The following POLR2B variants were observed in gnomAD, a reference collection of about 807,000 sequenced individuals.
POLR2B encodes DNA-directed RNA polymerase II subunit RPB2.
Under a neutral mutation model 144.6 loss-of-function variants are expected in POLR2B, and 57 were observed. The observed-to-expected ratio is 0.39, with a 90% confidence interval of 0.32 to 0.49. The LOEUF (loss-of-function observed/expected upper bound fraction) is 0.49, where lower values mean the gene tolerates loss of function less well. POLR2B is among the 20% of genes least tolerant of loss of function. The probability of loss-of-function intolerance (pLI) is 0.83; values close to 1 mark genes in which losing one functional copy is unlikely to be tolerated. For synonymous variants in POLR2B, 442 were observed against 469.8 expected, an observed-to-expected ratio of 0.94 and a Z score of 0.77; for missense variants, 595 against 1,467.4, an observed-to-expected ratio of 0.41 and a Z score of 9.71.
intron 6 of POLR2B, 74 bp downstream of exon 6, chr4:56,995,483 T>A: frequency 9.1e-7 from 1 of 1,097,408 alleles, no homozygotes; most frequent in Non-Finnish European, 1.3e-6. Flanking sequence ...ACTGCCTTCT[T>A]TGTCCATAGA....
intron 10 of POLR2B, chr4:57,009,892 A>G (rs1723137148): frequency 6.6e-6 from 1 of 152,516 alleles, no homozygotes; most frequent in Admixed American, 6.6e-5. Flanking sequence ...TCCTGTAAGT[A>G]TTAGTAATGG....
At chr4:57,021,865 T>C (rs751299889) in intron 17 of POLR2B, among the ~76,000 whole-genome samples, 12 of 152,198 alleles carry the variant, frequency 7.9e-5, no homozygotes, top group Non-Finnish European at 1.5e-4. Flanking sequence ...AGGGTTATTA[T>C]GTAATGGATT....
rs1269343101 is a variant in POLR2B at position 57,020,815 on chromosome 4, A to G, written c.2324-84A>G. 7.5e-6 allele frequency: 6 copies of G among 803,756 alleles called. No individual in the cohort carries two copies. In the Admixed American group the frequency reaches 8.7e-5, roughly 12 times the overall value. 49.8% of individuals were successfully genotyped at this position (803,756 alleles called of 1,614,324 possible). ...CACCCAAGCATTTATGGCAAATATG[A>G]TGTAATTAAAGTTGATTTAAAGAAA... On this transcript the variant is annotated intron_variant, in intron 16 of 24. Transcript: ENST00000314595.
At chr4:56,992,756 G>T (rs1188352359) in intron 3 of POLR2B, among the ~76,000 whole-genome samples, 3 of 151,226 alleles carry the variant, frequency 2.0e-5, no homozygotes, top group African/African-American at 7.3e-5. Context: ...TAGAGACAGG[G>T]TTTTGCCGTA....
intron 23 of POLR2B, among the ~76,000 whole-genome samples, chr4:57,029,218 T>C (rs1194309338): frequency 2.6e-5 from 4 of 152,228 alleles, no homozygotes; most frequent in Non-Finnish European, 5.9e-5. Context: ...TTAGCAGCTA[T>C]TACTAAAGAC....
chr4:57,010,298 C>G, intron 10 of POLR2B, 63 bp from the exon 11 acceptor site: 5 of 1,406,944 alleles, frequency 3.6e-6, no homozygotes, highest in Non-Finnish European at 3.9e-6. Context: ...ATGACTTTGC[C>G]TCAGTGTAAT....
rs1402723652 is a variant in POLR2B at position 56,990,906 on chromosome 4, A to G, written c.243+8A>G. 2.5e-6 allele frequency: 4 copies of G among 1,605,362 alleles called. No individual in the cohort carries two copies. In the East Asian group the frequency reaches 9.0e-5, roughly 36 times the overall value. Reference sequence around the variant, plus strand: ...GGAGAAGTTGAAGAACCGGTAAGATAGTTCTAATAGTTACACAGGTACAAG... The same window carrying G: ...GGAGAAGTTGAAGAACCGGTAAGATGGTTCTAATAGTTACACAGGTACAAG... On this transcript the variant is annotated splice_region_variant and intron_variant, in intron 3 of 24. Transcript: ENST00000314595.
chr4:57,008,500 C>T (rs567277254), intron 10 of POLR2B, among the ~76,000 whole-genome samples: 2 of 152,312 alleles, frequency 1.3e-5, no homozygotes, highest in African/African-American at 4.8e-5. Context: ...CCGTGCCTGG[C>T]CCAGTTCAAG....
At chr4:56,980,606 G>A (rs1035352990) in intron 1 of POLR2B, among the ~76,000 whole-genome samples, 34 of 152,088 alleles carry the variant, frequency 2.2e-4, no homozygotes, top group African/African-American at 8.2e-4. Flanking sequence ...TATAGTCCCA[G>A]CTACTTGTGG....
At chr4:57,010,096 C>T (rs2109690365) in intron 10 of POLR2B, 1 of 351,460 alleles carries the variant, frequency 2.8e-6, no homozygotes, top group South Asian at 4.4e-5. Flanking sequence ...TTAAAAAATT[C>T]CCTGCCTTCA....
intron 10 of POLR2B, 107 bp from the exon 11 acceptor site, chr4:57,010,254 A>ACAGTTTGATAC (rs1355651917): frequency 3.2e-6 from 3 of 950,320 alleles, no homozygotes; most frequent in African/African-American, 1.6e-5. Context: ...GAAATGGGGA[A>ACAGTTTGATAC]CAGTTTGATA....
At position 56,996,204 on chromosome 4, in the gene POLR2B, TCA is replaced by T. The variant is rs1722669566; in HGVS notation, c.735+796_735+797del. 6.1e-5 allele frequency among the ~76,000 whole-genome samples: 4 copies of T among 65,340 alleles called. No individual in the cohort carries two copies. The Admixed American group carries it at 6.3e-4, about 10-fold the overall frequency. The allele number at this position is 65,340 out of a possible 152,430, so 42.9% of individuals were successfully genotyped here. On this transcript the variant is annotated intron_variant, in intron 6 of 24. Coordinates refer to ENST00000314595, the MANE Select transcript of POLR2B (RefSeq NM_000938.3). Reference sequence around the variant, plus strand: ...TATCTTGGAAAACCTCTATTTCAGTTCATGTGTGTGTGTGTGTGTGTGTGTGT... The same window carrying T: ...TATCTTGGAAAACCTCTATTTCAGTTTGTGTGTGTGTGTGTGTGTGTGTGT...
In POLR2B at chr4:57,005,296, A is replaced by T; in HGVS notation, c.951A>T (p.Ala317=). 1 of 1,599,722 alleles carries T rather than the reference A, an allele frequency of 6.3e-7. No homozygotes were observed. Among genetic ancestry groups the T allele is most frequent in the Non-Finnish European group, 8.5e-7 (1 of 1,175,478 alleles). The change falls in exon 8 of 25, where the codon GCA becomes GCT. Residue 317 remains alanine (A), a synonymous_variant. Transcript: ENST00000314595. ...EAFVIQEQNV[A]LNFIGSRGAK... ...TTGTCATCCAAGAACAGAATGTTGC[A>T]CTAAATTTCATTGGTTCAAGAGGAG...
intron 13 of POLR2B, among the ~76,000 whole-genome samples, chr4:57,011,571 TC>T (rs1723189430): frequency 2.0e-5 from 3 of 151,886 alleles, no homozygotes; most frequent in African/African-American, 4.8e-5. Flanking sequence ...ACGCCTGTAA[TC>T]CCAGCACTTT....
rs11573133 is a variant in POLR2B, at chr4:57,030,594, G to A, written c.3435+195G>A. On this transcript the variant is annotated intron_variant, in intron 24 of 24. Transcript: ENST00000314595. The stretch of plus-strand genomic sequence containing the variant: ...AAAAACCAGTTTAGGTTTTAGTGTG[G>A]TAATTTCTCTAAGCTATTCATCTTT... 1.9e-3 allele frequency among the ~76,000 whole-genome samples: 287 copies of A among 152,296 alleles called. 5 individuals are homozygous for A. In the East Asian group the frequency reaches 0.053, roughly 28 times the overall value.
Position 57,023,142 on chromosome 4 carries a change from C to CTTTTTTTTTTTTTTTTTTT in POLR2B, c.2516-178_2516-177insTTTTTTTTTTTTTTTTTTT. ...TTCCAATGTTCTTTTCCTTCATAGA[C>CTTTTTTTTTTTTTTTTTTT]TTTTTTTTTTGTTTTCTGTGTGGGC... On this transcript the variant is annotated intron_variant, in intron 18 of 24. Transcript: ENST00000314595. The surrounding 1 kb of genome is among the most constrained non-coding windows in gnomAD (Gnocchi z 4.3). 2.2e-6 allele frequency: 1 copy of CTTTTTTTTTTTTTTTTTTT among 452,698 alleles called. No homozygotes were observed. Among genetic ancestry groups the CTTTTTTTTTTTTTTTTTTT allele is most frequent in the African/African-American group, 2.0e-5 (1 of 49,012 alleles). 28.0% of individuals were successfully genotyped at this position (452,698 alleles called of 1,614,324 possible).
rs188047942 is a variant in POLR2B, at chr4:57,018,220, G to A, written c.2323+492G>A. ...GAGACCCATCCAACCTTTTGGATCAGGGAAGTAATACAATTAGAAATTTGT... is the reference window on the plus strand; with the variant it reads ...GAGACCCATCCAACCTTTTGGATCAAGGAAGTAATACAATTAGAAATTTGT... On this transcript the variant is annotated intron_variant, in intron 16 of 24. Transcript: ENST00000314595. 2.6e-5 allele frequency among the ~76,000 whole-genome samples: 4 copies of A among 152,246 alleles called. No homozygotes were observed. The East Asian group carries it at 7.7e-4, about 29-fold the overall frequency.
chr4:56,998,132 C>A (rs535722191), intron 6 of POLR2B, among the ~76,000 whole-genome samples: 1 of 152,104 alleles, frequency 6.6e-6, no homozygotes, highest in East Asian at 1.9e-4. Flanking sequence ...CGGTGAACTT[C>A]GAGTAACTGA....
chr4:57,028,475 A>T (rs900520134), intron 23 of POLR2B, among the ~76,000 whole-genome samples: 4 of 152,094 alleles, frequency 2.6e-5, no homozygotes, highest in African/African-American at 9.7e-5. Flanking sequence ...TATGAAAGAG[A>T]TGTATACTCA....
Sources: gnomAD v4.1 joint callset for allele counts (sites outside exome capture counted in the v4.1 genomes callset) on GRCh38, gnomAD v4.1.1 for gene constraint, Gnocchi (gnomAD v3.1) non-coding constraint, MANE v1.5 for transcripts, NCBI Gene and HGNC (gene_info 2026-07-23, HGNC 2026-07-21) for gene names.